ATP2B1: variants seen among roughly 807,000 people sequenced by gnomAD.
ATP2B1 encodes the protein ATPase plasma membrane Ca2+ transporting 1.
ATP2B1 carries 14 observed loss-of-function variants against 124.2 expected under a neutral mutation model. The observed-to-expected ratio is 0.11, with a 90% CI of 0.07 to 0.18. The LOEUF is 0.18. Among genes scored for constraint, ATP2B1 ranks in the 10% least tolerant of loss-of-function variants. The probability of loss-of-function intolerance (pLI) is 1.00; values close to 1 mark genes in which losing one functional copy is unlikely to be tolerated. For missense variants in ATP2B1, 763 were observed against 1,466.1 expected, an observed-to-expected ratio of 0.52 and a Z score of 7.83; for synonymous variants, 449 against 492.4, an observed-to-expected ratio of 0.91 and a Z score of 1.17.
At chr12:89,610,537 G>A (rs753093453) in intron 13 of ATP2B1, 29 bp from the exon 14 acceptor site, 30 of 1,555,590 alleles carry the variant, frequency 1.9e-5, no homozygotes, top group Non-Finnish European at 2.6e-5. Context: ...GTTAAAATAT[G>A]CCCAAACATA....
At chr12:89,676,261 C>T (rs4842672) in intron 1 of ATP2B1, among the ~76,000 whole-genome samples, 114,104 of 152,054 alleles carry the variant, frequency 0.75, 43,322 homozygotes, top group East Asian at 0.97. Context: ...CTTGGATGTA[C>T]AAAATCATGT....
intron 1 of ATP2B1, among the ~76,000 whole-genome samples, chr12:89,687,866 C>G (rs184265929): frequency 1.6e-4 from 25 of 152,148 alleles, no homozygotes; most frequent in African/African-American, 4.8e-4. Context: ...CAAGAATTCA[C>G]TGGACTGTGA....
chr12:89,689,286 T>C (rs1890291726), intron 1 of ATP2B1, among the ~76,000 whole-genome samples: 1 of 152,124 alleles, frequency 6.6e-6, no homozygotes, highest in Non-Finnish European at 1.5e-5. Flanking sequence ...AGGACACTCA[T>C]ACTAAAAAAA....
intron 1 of ATP2B1, among the ~76,000 whole-genome samples, chr12:89,690,145 C>T (rs1176305476): frequency 1.3e-5 from 2 of 152,154 alleles, no homozygotes; most frequent in East Asian, 3.9e-4. Flanking sequence ...AAAGCAATAA[C>T]AGATATTTCA....
intron 2 of ATP2B1, among the ~76,000 whole-genome samples, chr12:89,651,671 T>C (rs895962090): frequency 1.3e-5 from 2 of 152,114 alleles, no homozygotes; most frequent in African/African-American, 4.8e-5. Flanking sequence ...CAAAAATTAC[T>C]ATAGAGAAGA....
intron 1 of ATP2B1, among the ~76,000 whole-genome samples, chr12:89,666,635 A>G (rs1169924787): frequency 6.6e-6 from 1 of 152,186 alleles, no homozygotes; most frequent in Non-Finnish European, 1.5e-5. Flanking sequence ...CCATCTGGTT[A>G]ATTAGCTACC....
intron 18 of ATP2B1, 93 bp downstream of exon 18, chr12:89,602,950 C>G: frequency 9.0e-7 from 1 of 1,116,188 alleles, no homozygotes; most frequent in Non-Finnish European, 1.3e-6. Flanking sequence ...CAGTTCCACA[C>G]ATGTTCCACA....
At position 89,671,205 on chromosome 12, in the gene ATP2B1, C is replaced by T. The variant is rs562008818; in HGVS notation, c.-221-15098G>A. Among the ~76,000 whole-genome samples, 197 of 152,134 alleles carry T rather than the reference C, an allele frequency of 1.3e-3. 1 individual carries two copies. Among genetic ancestry groups the T allele is most frequent in the Middle Eastern group, 0.01 (3 of 294 alleles). On this transcript the variant is annotated intron_variant, in intron 1 of 20. Coordinates refer to ENST00000428670, the MANE Select transcript of ATP2B1 (RefSeq NM_001366521.1). ...AAAAAGAGCAAAATGGAGCCCAGGA[C>T]TCAAGATCTGACATTAGGTAGACTG...
chr12:89,695,703 C>T (rs1371741742), intron 1 of ATP2B1, among the ~76,000 whole-genome samples: 2 of 152,142 alleles, frequency 1.3e-5, no homozygotes, highest in Admixed American at 1.3e-4. Flanking sequence ...CATCTACTCA[C>T]TGGCATTTTT....
chr12:89,671,992 G>C (rs1052058971), intron 1 of ATP2B1, among the ~76,000 whole-genome samples: 2 of 152,100 alleles, frequency 1.3e-5, no homozygotes, highest in Non-Finnish European at 2.9e-5. Context: ...TTTACCCCAA[G>C]AGAGGAGATA....
At chr12:89,612,598 C>A (rs1435542232) in intron 12 of ATP2B1, among the ~76,000 whole-genome samples, 1 of 152,170 alleles carries the variant, frequency 6.6e-6, no homozygotes, top group Non-Finnish European at 1.5e-5. Context: ...CTAACTCCCC[C>A]CGCCCAACAA....
At chr12:89,647,376 TC>T (rs1416642751) in intron 2 of ATP2B1, among the ~76,000 whole-genome samples, 2 of 152,208 alleles carry the variant, frequency 1.3e-5, no homozygotes, top group African/African-American at 2.4e-5. Flanking sequence ...AGATAACAGC[TC>T]AGAAGTACTG....
intron 1 of ATP2B1, among the ~76,000 whole-genome samples, chr12:89,684,970 C>T (rs1206815642): frequency 1.3e-5 from 2 of 152,202 alleles, no homozygotes; most frequent in East Asian, 3.9e-4. Context: ...TTAGTAATTG[C>T]CTATACTTTA....
chr12:89,662,472 G>A (rs1160564193), intron 1 of ATP2B1, among the ~76,000 whole-genome samples: 1 of 152,036 alleles, frequency 6.6e-6, no homozygotes, highest in Non-Finnish European at 1.5e-5. Context: ...ATGCTTTAAA[G>A]AAATCAAGGA....
intron 9 of ATP2B1, 32 bp downstream of exon 9, chr12:89,624,151 T>C (rs1565833152): frequency 6.3e-7 from 1 of 1,593,588 alleles, no homozygotes; most frequent in Non-Finnish European, 8.6e-7. Flanking sequence ...GCTTTAAACA[T>C]AACAACGTCT....
chr12:89,693,155 C>A (rs1029156715), intron 1 of ATP2B1, among the ~76,000 whole-genome samples: 1 of 152,036 alleles, frequency 6.6e-6, no homozygotes, highest in Non-Finnish European at 1.5e-5. Context: ...ATGACTGTGC[C>A]TAGGGAAGCT....
intron 3 of ATP2B1, 174 bp downstream of exon 3, chr12:89,641,984 A>G (rs1883598989): frequency 1.5e-6 from 1 of 648,012 alleles, no homozygotes; most frequent in East Asian, 2.8e-5. Context: ...AACACAATCT[A>G]ATTCATAGGG....
intron 1 of ATP2B1, among the ~76,000 whole-genome samples, chr12:89,702,328 A>G (rs1891948656): frequency 6.6e-6 from 1 of 152,216 alleles, no homozygotes; most frequent in Non-Finnish European, 1.5e-5. Context: ...ATTTTGATAA[A>G]GAGAAAAATA....
At chr12:89,659,931 CA>C (rs545497005) in intron 1 of ATP2B1, among the ~76,000 whole-genome samples, 1 of 127,872 alleles carries the variant, frequency 7.8e-6, no homozygotes, top group African/African-American at 2.9e-5. Context: ...AAAAAAAAAA[CA>C]AAAAAAAACA....
Sources: allele counts gnomAD v4.1 joint callset (sites outside exome capture counted in the v4.1 genomes callset), GRCh38; gene constraint gnomAD v4.1.1; transcripts MANE v1.5; gene names NCBI Gene and HGNC (gene_info 2026-07-23, HGNC 2026-07-21).